The following BLVRA variants were observed in gnomAD, a reference collection of about 807,000 sequenced individuals.
BLVRA encodes biliverdin reductase A.
In BLVRA, 22 loss-of-function variants were observed where a neutral mutation model predicts 32.8. That is an observed-to-expected ratio of 0.67 (90% CI 0.48 to 0.96). The LOEUF (loss-of-function observed/expected upper bound fraction) is 0.96. Ranked by LOEUF, BLVRA falls within the 40% of genes least tolerant of loss-of-function variation. The pLI is 0.00. For synonymous variants in BLVRA, 119 were observed against 141.3 expected, an observed-to-expected ratio of 0.84 and a Z score of 1.12; for missense variants, 323 against 358.1, an observed-to-expected ratio of 0.90 and a Z score of 0.79.
intron 5 of BLVRA, 50 bp from the exon 6 acceptor site, chr7:43,800,415 C>T: frequency 6.5e-7 from 1 of 1,543,074 alleles, no homozygotes; most frequent in Non-Finnish European, 9.0e-7. Context: ...GGGATGCACA[C>T]CTAGACACAA....
intron 1 of BLVRA, among the ~76,000 whole-genome samples, chr7:43,762,606 C>CTTTTTTT (rs1162480081): frequency 9.9e-6 from 1 of 100,870 alleles, no homozygotes; most frequent in Non-Finnish European, 1.8e-5. Context: ...CCAGTAGTTC[C>CTTTTTTT]TTTTTTTTTT....
At chr7:43,760,709 A>AAAC (rs1554581003) in intron 1 of BLVRA, among the ~76,000 whole-genome samples, 215 of 151,808 alleles carry the variant, frequency 1.4e-3, no homozygotes, top group African/African-American at 4.8e-3. Flanking sequence ...TAAAAAAAAA[A>AAAC]ACACTGAATA....
At chr7:43,761,514 G>T (rs1201439793) in intron 1 of BLVRA, among the ~76,000 whole-genome samples, 1 of 152,140 alleles carries the variant, frequency 6.6e-6, no homozygotes, top group African/African-American at 2.4e-5. Flanking sequence ...GGTAAACTTG[G>T]TCAGTTACAT....
intron 1 of BLVRA, among the ~76,000 whole-genome samples, chr7:43,762,128 G>T (rs2095743008): frequency 6.6e-6 from 1 of 152,156 alleles, no homozygotes; most frequent in African/African-American, 2.4e-5. Context: ...GGAGGAACAA[G>T]GAGGAAGGTC....
chr7:43,771,430 G>T (rs1447580586), intron 2 of BLVRA, among the ~76,000 whole-genome samples: 1 of 152,214 alleles, frequency 6.6e-6, no homozygotes. Context: ...GCTCTGGCTA[G>T]TAGTGGGGCA....
chr7:43,758,331 GC>G (rs749228226), upstream of BLVRA, among the ~76,000 whole-genome samples: 2 of 110,398 alleles, frequency 1.8e-5, no homozygotes, highest in Non-Finnish European at 4.7e-5. Flanking sequence ...CCCCGGGCCT[GC>G]CCCCCCCACG....
intron 2 of BLVRA, among the ~76,000 whole-genome samples, chr7:43,779,501 A>T (rs974156339): frequency 6.6e-6 from 1 of 152,240 alleles, no homozygotes; most frequent in Non-Finnish European, 1.5e-5. Flanking sequence ...ACACATGTTC[A>T]TAGTGTAAAA....
At chr7:43,765,492 T>C (rs1007112280) in intron 1 of BLVRA, among the ~76,000 whole-genome samples, 1 of 152,164 alleles carries the variant, frequency 6.6e-6, no homozygotes, top group African/African-American at 2.4e-5. Flanking sequence ...CCTCAAGTGA[T>C]CCGCCCGCCT....
At chr7:43,791,442 A>T in intron 4 of BLVRA, 74 bp downstream of exon 4, 1 of 1,560,284 alleles carries the variant, frequency 6.4e-7, no homozygotes, top group African/African-American at 1.4e-5. Flanking sequence ...GCAAGCTAAA[A>T]CACCCTGCAA....
intron 3 of BLVRA, among the ~76,000 whole-genome samples, chr7:43,789,431 G>A (rs1276821790): frequency 2.0e-5 from 3 of 152,138 alleles, no homozygotes; most frequent in Non-Finnish European, 4.4e-5. Flanking sequence ...CTGCCCTTGG[G>A]CCAGCCTTCT....
chr7:43,784,671 T>G (rs537612941), intron 2 of BLVRA, among the ~76,000 whole-genome samples: 1 of 150,480 alleles, frequency 6.6e-6, no homozygotes, highest in South Asian at 2.1e-4. Flanking sequence ...TGGTGCAATC[T>G]TGGCTCACCG....
chr7:43,772,984 A>G (rs1031077652), intron 2 of BLVRA, among the ~76,000 whole-genome samples: 7 of 151,848 alleles, frequency 4.6e-5, no homozygotes, highest in African/African-American at 1.5e-4. Flanking sequence ...ACCTTGCACC[A>G]CCTCCTTAGT....
At chr7:43,785,969 AAG>A (rs1256414053) in intron 2 of BLVRA, among the ~76,000 whole-genome samples, 1 of 152,130 alleles carries the variant, frequency 6.6e-6, no homozygotes, top group Non-Finnish European at 1.5e-5. Context: ...AAGGCAGGAA[AAG>A]AGGGGAAAAA....
At chr7:43,784,500 G>A (rs143009839) in intron 2 of BLVRA, among the ~76,000 whole-genome samples, 4 of 151,850 alleles carry the variant, frequency 2.6e-5, no homozygotes, top group Non-Finnish European at 4.4e-5. Context: ...AAATGAAGAG[G>A]CTCACGTTAA....
chr7:43,777,104 A>C (rs2095762057), intron 2 of BLVRA, among the ~76,000 whole-genome samples: 2 of 150,558 alleles, frequency 1.3e-5, no homozygotes, highest in Admixed American at 1.3e-4. Flanking sequence ...CCAATTTGCC[A>C]GTCTGTGTCT....
chr7:43,805,185 G>A (rs944938565), intron 7 of BLVRA, among the ~76,000 whole-genome samples: 7 of 152,134 alleles, frequency 4.6e-5, no homozygotes, highest in African/African-American at 1.7e-4. Context: ...GTCAGCTCAT[G>A]GTTCTGATGG....
chr7:43,758,642 CCCAGCCGGGCA>C (rs1421192267), upstream of BLVRA: 1 of 153,168 alleles, frequency 6.5e-6, no homozygotes, highest in Non-Finnish European at 1.5e-5. Context: ...GCCCCCGCCC[CCCAGCCGGGCA>C]GCCAATCGGA....
chr7:43,766,966 A>G (rs1423537171), intron 1 of BLVRA, among the ~76,000 whole-genome samples: 1 of 152,152 alleles, frequency 6.6e-6, no homozygotes, highest in Non-Finnish European at 1.5e-5. Context: ...GTGCCACTGC[A>G]TTCCAGTCTG....
chr7:43,797,330 C>T (rs1226982684), intron 5 of BLVRA, among the ~76,000 whole-genome samples: 7 of 152,334 alleles, frequency 4.6e-5, no homozygotes, highest in African/African-American at 1.2e-4. Context: ...TCAAGTGATC[C>T]GCCTGCCTGA....
Sources: allele counts gnomAD v4.1 joint callset (sites outside exome capture counted in the v4.1 genomes callset), GRCh38; gene constraint gnomAD v4.1.1; transcripts MANE v1.5; gene names NCBI Gene and HGNC (gene_info 2026-07-23, HGNC 2026-07-21).